Variants in INPP4A observed in about 807,000 individuals in gnomAD.
INPP4A encodes inositol polyphosphate-4-phosphatase type I A.
INPP4A carries 33 observed loss-of-function variants against 119.8 expected under a neutral mutation model. The observed-to-expected ratio is 0.28, with a 90% CI of 0.21 to 0.37. INPP4A has a LOEUF of 0.37. Ranked by LOEUF, INPP4A falls within the 10% of genes least tolerant of loss-of-function variation. The pLI is 1.00. For missense variants in INPP4A, 956 were observed against 1,289.9 expected (o/e 0.74, Z 3.97); for synonymous variants, 496 against 500.7 (o/e 0.99, Z 0.12).
intron 1 of INPP4A, among the ~76,000 whole-genome samples, chr2:98,478,604 G>A (rs1362115717): frequency 6.6e-6 from 1 of 152,214 alleles, no homozygotes; most frequent in Non-Finnish European, 1.5e-5. Context: ...AAATCATGGT[G>A]ATCTCTTTTG....
intron 4 of INPP4A, among the ~76,000 whole-genome samples, chr2:98,526,016 C>T (rs1040934033): frequency 6.6e-6 from 1 of 152,192 alleles, no homozygotes; most frequent in African/African-American, 2.4e-5. Flanking sequence ...ACATTTATGT[C>T]ACCTTTATTT....
At chr2:98,507,002 G>C (rs539262385) in intron 1 of INPP4A, among the ~76,000 whole-genome samples, 1 of 152,200 alleles carries the variant, frequency 6.6e-6, no homozygotes, top group African/African-American at 2.4e-5. Context: ...TTTGATCCTC[G>C]TTCACAGTCC....
At chr2:98,581,662 G>A in intron 24 of INPP4A, 3 of 1,602,344 alleles carry the variant, frequency 1.9e-6, no homozygotes, top group Non-Finnish European at 2.6e-6. Context: ...AGCCTCCTCT[G>A]TTCCATCCCT....
At chr2:98,472,236 C>G (rs1265778893) in intron 1 of INPP4A, among the ~76,000 whole-genome samples, 1 of 152,142 alleles carries the variant, frequency 6.6e-6, no homozygotes. Flanking sequence ...CTGTTGGGGT[C>G]CGGGGTTGGG....
intron 5 of INPP4A, among the ~76,000 whole-genome samples, chr2:98,535,124 G>C (rs565526869): frequency 4.3e-4 from 65 of 152,322 alleles, no homozygotes; most frequent in Middle Eastern, 3.4e-3. Flanking sequence ...GTGCCTGAGA[G>C]AGTATGGTAT....
chr2:98,462,456 A>T (rs1353217913), intron 1 of INPP4A, among the ~76,000 whole-genome samples: 2 of 152,182 alleles, frequency 1.3e-5, no homozygotes, highest in Non-Finnish European at 2.9e-5. Flanking sequence ...TCAAAAATAA[A>T]TAAATAAATA....
chr2:98,555,371 G>A (rs1419069322), intron 15 of INPP4A, among the ~76,000 whole-genome samples, 182 bp from the exon 16 acceptor site: 3 of 152,202 alleles, frequency 2.0e-5, no homozygotes, highest in African/African-American at 4.8e-5. Flanking sequence ...TCGATTCATC[G>A]TTGAAAAGCA....
At chr2:98,482,570 C>T (rs1678692062) in intron 1 of INPP4A, among the ~76,000 whole-genome samples, 2 of 152,236 alleles carry the variant, frequency 1.3e-5, no homozygotes, top group Admixed American at 6.5e-5. Flanking sequence ...GCAATGGCCC[C>T]TCCACTTGTC....
At chr2:98,490,842 A>T (rs951566595) in intron 1 of INPP4A, among the ~76,000 whole-genome samples, 1 of 152,242 alleles carries the variant, frequency 6.6e-6, no homozygotes, top group Non-Finnish European at 1.5e-5. Context: ...TTTGGCTGTC[A>T]TAACAAGTCA....
chr2:98,505,739 T>C (rs1683919360), intron 1 of INPP4A, among the ~76,000 whole-genome samples: 1 of 152,324 alleles, frequency 6.6e-6, no homozygotes, highest in East Asian at 1.9e-4. Flanking sequence ...GTCTTGCTGA[T>C]TCAGCAGGAG....
At chr2:98,500,175 A>G (rs1461970433) in intron 1 of INPP4A, among the ~76,000 whole-genome samples, 5 of 152,112 alleles carry the variant, frequency 3.3e-5, no homozygotes, top group South Asian at 2.1e-4. Flanking sequence ...TGTGGTATAC[A>G]GAGTCCTCAC....
In INPP4A at chr2:98,588,565, G is replaced by C. The variant is rs1043356270; in HGVS notation, c.*957G>C. On this transcript the variant is annotated 3_prime_UTR_variant, in exon 25 of 25. Coordinates refer to ENST00000409851, the MANE Select transcript of INPP4A (RefSeq NM_001134225.2). ...ACAGTACAATCATGTTTGAATGTCT[G>C]ATGAAAGTGTCTTATTTTTAGGTTT... 1 of 222,094 alleles carries C rather than the reference G, an allele frequency of 4.5e-6. No homozygotes were observed. Among genetic ancestry groups the C allele is most frequent in the Non-Finnish European group, 9.0e-6 (1 of 111,238 alleles). 13.8% of individuals were successfully genotyped at this position (222,094 alleles called of 1,614,324 possible).
intron 1 of INPP4A, among the ~76,000 whole-genome samples, chr2:98,453,629 C>G (rs143451836): frequency 2.0e-5 from 3 of 152,240 alleles, no homozygotes; most frequent in Non-Finnish European, 4.4e-5. Context: ...CGACCTGTGA[C>G]TTTTGTCAGA....
Position 98,520,069 on chromosome 2 carries a change from C to T in INPP4A, c.21C>T (p.Ser7=). The T allele has an allele frequency of 6.3e-7, 1 of 1,583,726 alleles. No individual in the cohort carries two copies. Among genetic ancestry groups the T allele is most frequent in the Non-Finnish European group, 8.6e-7 (1 of 1,163,548 alleles). The change falls in exon 3 of 25, where the codon AGC becomes AGT. Residue 7 remains serine, a synonymous_variant. Transcript: ENST00000409851. The stretch of plus-strand genomic sequence containing the variant: ...ACATCATGACAGCAAGAGAGCACAG[C>T]CCTCGCCATGGTGCCAGGGCCCGTG... The part of the protein sequence containing the change: MTAREH[S]PRHGARARAM...
Position 98,590,379 on chromosome 2 carries a change from G to GA in INPP4A, c.*2772dup, listed in dbSNP as rs1316906713. ...AGAGCACGGACTTTGGGAGCACACAGACCAGGTCCCAATCCTGGTTCTGCC... is the reference window on the plus strand; with the variant it reads ...AGAGCACGGACTTTGGGAGCACACAGAACCAGGTCCCAATCCTGGTTCTGCC... On this transcript the variant is annotated 3_prime_UTR_variant, in exon 25 of 25. Coordinates refer to ENST00000409851, the MANE Select transcript of INPP4A (RefSeq NM_001134225.2). The GA allele has an allele frequency of 5.3e-6, 1 of 187,522 alleles. No homozygotes were observed. Among genetic ancestry groups the GA allele is most frequent in the African/African-American group, 2.3e-5 (1 of 42,778 alleles). 11.6% of individuals were successfully genotyped at this position (187,522 alleles called of 1,614,324 possible). A position where few individuals can be genotyped will look rare whatever the true frequency, so the allele number is the denominator to read the frequency against.
rs762110602 is a variant in INPP4A at position 98,537,880 on chromosome 2, G to A, written c.485G>A (p.Arg162His). 7.4e-6 allele frequency: 12 copies of A among 1,611,892 alleles called. No homozygotes were observed. The highest frequency in any genetic ancestry group is 4.4e-5 in the South Asian group (4 of 90,530). The stretch of plus-strand genomic sequence containing the variant: ...CATCACAGGTCTGCAGAGAGTGACC[G>A]TGTAGGTAACATCACCGTGATTGGC... Reference protein sequence around the residue: ...HLTLRSAESDRVGNITVIGWQ... With the variant: ...HLTLRSAESDHVGNITVIGWQ... Residue 162 changes from arginine to histidine, a missense_variant, in exon 8 of 25, where the codon CGT becomes CAT. Around this residue, in one of 2 missense-constraint regions of INPP4A, gnomAD observed 652 missense variants for 797.9 expected, o/e 0.82. Coordinates refer to ENST00000409851, the MANE Select transcript of INPP4A (RefSeq NM_001134225.2).
intron 1 of INPP4A, among the ~76,000 whole-genome samples, chr2:98,479,558 G>T (rs1301925421): frequency 6.6e-6 from 1 of 152,090 alleles, no homozygotes; most frequent in Non-Finnish European, 1.5e-5. Context: ...ATCTTTCCAG[G>T]TATGCCAGGA....
intron 1 of INPP4A, among the ~76,000 whole-genome samples, chr2:98,502,632 C>A (rs1397686993): frequency 6.6e-6 from 1 of 152,164 alleles, no homozygotes; most frequent in Non-Finnish European, 1.5e-5. Context: ...AGTACCTCAA[C>A]ATTGTCTTAT....
chr2:98,555,904 T>A, intron 16 of INPP4A, 96 bp downstream of exon 16: 1 of 1,395,252 alleles, frequency 7.2e-7, no homozygotes, highest in Non-Finnish European at 9.6e-7. Flanking sequence ...TCCTCCCCCA[T>A]GCAGACTGCA....
Sources: gnomAD v4.1 joint callset for allele counts (sites outside exome capture counted in the v4.1 genomes callset) on GRCh38, gnomAD v4.1.1 for gene constraint, gnomAD v4.1.1 regional missense constraint, MANE v1.5 for transcripts, NCBI Gene and HGNC (gene_info 2026-07-23, HGNC 2026-07-21) for gene names.